NAV3: variants seen among roughly 807,000 people sequenced by gnomAD.
NAV3 encodes neuron navigator 3.
Under a neutral mutation model 244.7 loss-of-function variants are expected in NAV3, and 87 were observed. The observed-to-expected ratio is 0.36, with a 90% confidence interval of 0.30 to 0.42. The LOEUF is 0.42. Among genes scored for constraint, NAV3 ranks in the 20% least tolerant of loss-of-function variants. The pLI, the probability that NAV3 is intolerant of heterozygous loss-of-function variation, is 1.00. For missense variants in NAV3, 2,663 were observed against 2,893.3 expected (o/e 0.92, Z 1.83); for synonymous variants, 1,126 against 1,042.2 (o/e 1.08, Z -1.55).
intron 2 of NAV3, among the ~76,000 whole-genome samples, chr12:77,614,074 C>CTTTTTTTTTTTTTTT: frequency 1.0e-5 from 1 of 95,650 alleles, no homozygotes; most frequent in Non-Finnish European, 2.0e-5. Context: ...TTCTTTCTCT[C>CTTTTTTTTTTTTTTT]TTTTTTTTTT....
At chr12:77,714,894 A>T (rs68057325) in intron 2 of NAV3, among the ~76,000 whole-genome samples, 2,874 of 152,236 alleles carry the variant, frequency 0.019, 42 homozygotes, top group Non-Finnish European at 0.029. Flanking sequence ...ACATTTAAAA[A>T]TACATAACAT....
chr12:77,917,724 T>C (rs1247977098), intron 1 of NAV3, among the ~76,000 whole-genome samples: 1 of 152,052 alleles, frequency 6.6e-6, no homozygotes, highest in Non-Finnish European at 1.5e-5. Context: ...AGTGTTTCTT[T>C]TTCAGGTGAT....
intron 38 of NAV3, among the ~76,000 whole-genome samples, chr12:78,202,777 T>A (rs1256897710): frequency 6.6e-6 from 1 of 151,978 alleles, no homozygotes; most frequent in African/African-American, 2.4e-5. Flanking sequence ...GGGTAGACAG[T>A]TTTCATTGCT....
At position 78,122,340 on chromosome 12, in the gene NAV3, G is replaced by A; in HGVS notation, c.4150G>A (p.Gly1384Ser). Residue 1384 changes from glycine (G) to serine (S), a missense_variant, in exon 16 of 40, where the codon GGC becomes AGC. Around this residue, in one of 6 missense-constraint regions of NAV3, gnomAD observed 354 missense variants for 413.0 expected, o/e 0.86. Coordinates refer to ENST00000397909, the MANE Select transcript of NAV3 (RefSeq NM_001024383.2). ...CATTGACCTCCCCCTCAGCCATCATGGCTCCTTGTCTGGACTGACCACAGG... is the reference window on the plus strand; with the variant it reads ...CATTGACCTCCCCCTCAGCCATCATAGCTCCTTGTCTGGACTGACCACAGG... ...ESIDLPLSHHGSLSGLTTGTH... is the reference protein window; with the variant it reads ...ESIDLPLSHHSSLSGLTTGTH... 6.2e-7 allele frequency: 1 copy of A among 1,614,078 alleles called. No homozygotes were observed. The highest frequency in any genetic ancestry group is 8.5e-7 in the Non-Finnish European group (1 of 1,180,002).
chr12:77,721,153 G>A (rs111726649), intron 2 of NAV3, among the ~76,000 whole-genome samples: 31 of 152,236 alleles, frequency 2.0e-4, no homozygotes, highest in Middle Eastern at 3.4e-3. Context: ...TCACAGCTCC[G>A]AAACTCTATT....
chr12:78,024,223 T>C (rs1877623230), intron 9 of NAV3, among the ~76,000 whole-genome samples: 1 of 152,180 alleles, frequency 6.6e-6, no homozygotes, highest in African/African-American at 2.4e-5. Flanking sequence ...CCATTGCCTC[T>C]CTCTCACTTA....
intron 7 of NAV3, among the ~76,000 whole-genome samples, chr12:77,999,807 C>T (rs1381705114): frequency 1.3e-5 from 2 of 151,810 alleles, no homozygotes; most frequent in Non-Finnish European, 2.9e-5. Context: ...AAAAAAAATG[C>T]CCTCATTTCC....
chr12:77,940,531 A>G, intron 2 of NAV3, 95 bp downstream of exon 2: 7 of 862,494 alleles, frequency 8.1e-6, no homozygotes, highest in Non-Finnish European at 1.3e-5. Context: ...GAACTGGTCC[A>G]TGTGTCTCTG....
At chr12:78,044,049 T>C (rs1439815343) in intron 9 of NAV3, among the ~76,000 whole-genome samples, 1 of 152,196 alleles carries the variant, frequency 6.6e-6, no homozygotes, top group Non-Finnish European at 1.5e-5. Flanking sequence ...TCTTCTAGGG[T>C]TTTTATGGTT....
At chr12:78,092,242 C>A (rs1953984154) in intron 12 of NAV3, among the ~76,000 whole-genome samples, 1 of 151,924 alleles carries the variant, frequency 6.6e-6, no homozygotes, top group African/African-American at 2.4e-5. Flanking sequence ...CTATGAATGA[C>A]ATATTAAAAA....
At chr12:78,052,687 A>C (rs1882934662) in intron 11 of NAV3, among the ~76,000 whole-genome samples, 1 of 152,118 alleles carries the variant, frequency 6.6e-6, no homozygotes, top group Admixed American at 6.6e-5. Flanking sequence ...AACATAGCCT[A>C]GGAGGCAATG....
intron 2 of NAV3, among the ~76,000 whole-genome samples, chr12:77,651,492 A>T (rs1170419050): frequency 6.6e-6 from 1 of 152,094 alleles, no homozygotes; most frequent in Admixed American, 6.6e-5. Context: ...AGCCACAGGG[A>T]TATTGAAATA....
intron 12 of NAV3, among the ~76,000 whole-genome samples, chr12:78,103,353 C>A (rs1393061091): frequency 6.6e-6 from 1 of 152,192 alleles, no homozygotes; most frequent in Non-Finnish European, 1.5e-5. Context: ...TCCGAGACAA[C>A]CTCAGCCTGG....
At chr12:77,708,468 G>C (rs1451811221) in intron 2 of NAV3, among the ~76,000 whole-genome samples, 1 of 152,166 alleles carries the variant, frequency 6.6e-6, no homozygotes, top group Non-Finnish European at 1.5e-5. Flanking sequence ...TAGCCTTGTA[G>C]TATAGTTTGA....
intron 1 of NAV3, among the ~76,000 whole-genome samples, chr12:77,902,391 T>C (rs984384599): frequency 3.9e-5 from 6 of 152,204 alleles, no homozygotes; most frequent in African/African-American, 1.4e-4. Flanking sequence ...AAGAGATACA[T>C]CCCATCAATA....
intron 2 of NAV3, among the ~76,000 whole-genome samples, chr12:77,673,354 T>C (rs1874073679): frequency 1.3e-5 from 2 of 152,108 alleles, no homozygotes; most frequent in Non-Finnish European, 2.9e-5. Flanking sequence ...ATAATAGCAA[T>C]TTCTTATTAT....
At chr12:77,677,407 C>T (rs1874253845) in intron 2 of NAV3, among the ~76,000 whole-genome samples, 1 of 152,080 alleles carries the variant, frequency 6.6e-6, no homozygotes, top group Non-Finnish European at 1.5e-5. Flanking sequence ...TTAGAAGGGC[C>T]CTGCACTTGG....
intron 1 of NAV3, among the ~76,000 whole-genome samples, chr12:77,902,473 G>A (rs76321667): frequency 2.6e-5 from 4 of 152,186 alleles, no homozygotes; most frequent in Non-Finnish European, 4.4e-5. Context: ...CATCTATTGA[G>A]ACAATCATGC....
At chr12:78,079,325 A>C (rs1235692988) in intron 12 of NAV3, among the ~76,000 whole-genome samples, 1 of 152,240 alleles carries the variant, frequency 6.6e-6, no homozygotes, top group Non-Finnish European at 1.5e-5. Flanking sequence ...GGAAAAAAAT[A>C]GAATCATAAA....
Sources: gnomAD v4.1 joint callset for allele counts (sites outside exome capture counted in the v4.1 genomes callset) on GRCh38, gnomAD v4.1.1 for gene constraint, gnomAD v4.1.1 regional missense constraint, MANE v1.5 for transcripts, NCBI Gene and HGNC (gene_info 2026-07-23, HGNC 2026-07-21) for gene names.